SLC9A6: variants seen among roughly 807,000 people sequenced by gnomAD.
SLC9A6 encodes solute carrier family 9 member A6.
SLC9A6 carries 6 observed loss-of-function variants against 45.3 expected under a neutral mutation model. The observed-to-expected ratio is 0.13, with a 90% confidence interval of 0.07 to 0.26. The LOEUF is 0.26. SLC9A6 is among the 10% of genes least tolerant of loss of function. SLC9A6 has a pLI of 1.00. For synonymous variants in SLC9A6, 191 were observed against 187.7 expected, an observed-to-expected ratio of 1.02 and a Z score of -0.14; for missense variants, 278 against 503.7, an observed-to-expected ratio of 0.55 and a Z score of 4.29.
At chrX:136,019,059 G>C (rs2071075172) in intron 11 of SLC9A6, among the ~76,000 whole-genome samples, 1 of 111,499 alleles carries the variant, frequency 9.0e-6, no homozygotes, top group South Asian at 3.8e-4. Context: ...AGGTTTCTGA[G>C]TCTGTTAGGA....
chrX:136,016,730 T>C lies in SLC9A6; in HGVS notation c.1166T>C (p.Phe389Ser). 1 of 1,161,393 alleles carries C rather than the reference T, an allele frequency of 8.6e-7. No individual in the cohort carries two copies. Among genetic ancestry groups the C allele is most frequent in the Non-Finnish European group, 1.2e-6 (1 of 850,902 alleles). The change falls in exon 11 of 18, where the codon TTT becomes TCT. Residue 389 changes from phenylalanine (F) to serine (S), a missense_variant. Around this residue, in one of 5 missense-constraint regions of SLC9A6, gnomAD observed 41 missense variants for 51.8 expected, o/e 0.79. Transcript: ENST00000630721. ...CTGTTCACCTTCCAGAACCATGTCT[T>C]TAACCCAACATTTGTAGTAGGAGCA... ...LTLFTFQNHV[F>S]NPTFVVGAFV...
chrX:135,982,620 C>T (rs910397614), upstream of SLC9A6, among the ~76,000 whole-genome samples: 1 of 110,723 alleles, frequency 9.0e-6, no homozygotes, highest in Admixed American at 9.6e-5. Flanking sequence ...GCTACAGGCA[C>T]GCGCCACCAT....
rs1233852882 is a variant in SLC9A6, at chrX:136,023,192, T to C, written c.1306+495T>C. Among the ~76,000 whole-genome samples, 10 of 42,860 alleles carry C rather than the reference T, an allele frequency of 2.3e-4. No homozygotes were observed. In the East Asian group the frequency reaches 6.6e-3, roughly 28 times the overall value. The allele number at this position is 42,860 out of a possible 115,157, so 37.2% of individuals were successfully genotyped here. ...ATATATATATATATATATATATATA[T>C]ATATATATATATATATATATATATA... is the stretch of plus-strand genomic sequence containing the variant. On this transcript the variant is annotated intron_variant, in intron 12 of 17. Transcript: ENST00000630721.
intron 3 of SLC9A6, among the ~76,000 whole-genome samples, chrX:135,997,228 G>C (rs1386553998): frequency 9.2e-6 from 1 of 108,383 alleles, no homozygotes. Flanking sequence ...GGCTAATTTT[G>C]TATTTTTAAA....
At chrX:136,037,556 ATATT>A (rs781891851) in intron 16 of SLC9A6, among the ~76,000 whole-genome samples, 2,918 of 110,278 alleles carry the variant, frequency 0.026, 105 homozygotes, top group African/African-American at 0.091. Context: ...AGAAAATTGG[ATATT>A]TATTTATTTA....
At position 135,985,455 on chromosome X, in the gene SLC9A6, G is replaced by T. The variant is rs1468425766; in HGVS notation, c.-79G>T. ...CCCGTGAGCCCTCGGGGAGTGGTCC[G>T]ACCGCGGGCGGCCGCCGGTGAGGTA... On this transcript the variant is annotated 5_prime_UTR_variant, in exon 1 of 18. Transcript: ENST00000630721. 10 of 977,064 alleles carry T rather than the reference G, an allele frequency of 1.0e-5. No homozygotes were observed. Among genetic ancestry groups the T allele is most frequent in the South Asian group, 2.7e-5 (1 of 36,427 alleles). 80.5% of individuals were successfully genotyped at this position (977,064 alleles called of 1,213,427 possible).
rs2071584669 is a variant in SLC9A6 at position 136,045,534 on chromosome X, G to A, written c.*810G>A. On this transcript the variant is annotated 3_prime_UTR_variant, in exon 18 of 18. Coordinates refer to ENST00000630721, the MANE Select transcript of SLC9A6 (RefSeq NM_001379110.1). ...GAGCAAGAGGCGAGTAAAGAGAATG[G>A]TGGTTTCAGAGATCTCTCTTCCCAA... 8.9e-6 allele frequency: 1 copy of A among 111,938 alleles called. No homozygotes were observed. The highest frequency in any genetic ancestry group is 9.6e-5 in the Admixed American group (1 of 10,462). The allele number at this position is 111,938 out of a possible 1,213,427, so 9.2% of individuals were successfully genotyped here.
At position 135,985,634 on chromosome X, in the gene SLC9A6, C is replaced by A. The variant is rs1343262050; in HGVS notation, c.-25C>A. On this transcript the variant is annotated 5_prime_UTR_variant, in exon 2 of 18. Transcript: ENST00000630721. ...TCTTTGACTGGGCAGGGGCTTCGGACGGCGGCGGCGGAGAGGCTAGAGCCA... is the reference window on the plus strand; with the variant it reads ...TCTTTGACTGGGCAGGGGCTTCGGAAGGCGGCGGCGGAGAGGCTAGAGCCA... 5.8e-6 allele frequency: 7 copies of A among 1,210,530 alleles called. No homozygotes were observed. Among genetic ancestry groups the A allele is most frequent in the Non-Finnish European group, 7.8e-6 (7 of 894,975 alleles).
intron 12 of SLC9A6, 78 bp from the exon 13 acceptor site, chrX:136,024,252 G>A (rs782816983): frequency 7.7e-6 from 8 of 1,044,437 alleles, no homozygotes; most frequent in Admixed American, 2.2e-5. Flanking sequence ...TTTTTAGAAC[G>A]TGCTTTCTTG....
intron 6 of SLC9A6, among the ~76,000 whole-genome samples, chrX:135,999,431 G>T (rs1384593046): frequency 8.9e-6 from 1 of 111,913 alleles, no homozygotes; most frequent in African/African-American, 3.2e-5. Context: ...ACAAATGATT[G>T]TTAGAAGGCA....
chrX:135,997,001 T>C (rs782208829), intron 3 of SLC9A6, among the ~76,000 whole-genome samples: 283 of 111,104 alleles, frequency 2.5e-3, no homozygotes, highest in South Asian at 0.018. Context: ...CTCCTGACTT[T>C]GTGATCCGCC....
At position 136,044,615 on chromosome X, in the gene SLC9A6, C is replaced by T. The variant is rs782150288; in HGVS notation, c.1931C>T (p.Ala644Val). ...GAAGATGCCTTGGATCGGGAGCTTG[C>T]ATTTGGGGACCATGAACTGGTCATT... is the stretch of plus-strand genomic sequence containing the variant. ...SSEDALDREL[A>V]FGDHELVIRG... is the part of the protein sequence containing the mutation. Residue 644 changes from alanine (A) to valine (V), a missense_variant, in exon 18 of 18, where the codon GCA (alanine) becomes GTA (valine). Physicochemically the swap from Ala to Val is moderately conservative, Grantham distance 64 (BLOSUM62 0). Around this residue, in one of 5 missense-constraint regions of SLC9A6, gnomAD observed 91 missense variants for 125.1 expected, o/e 0.73. Coordinates refer to ENST00000630721, the MANE Select transcript of SLC9A6 (RefSeq NM_001379110.1). The T allele has an allele frequency of 8.3e-7, 1 of 1,210,687 alleles. No homozygotes were observed. Among genetic ancestry groups the T allele is most frequent in the South Asian group, 1.8e-5 (1 of 56,936 alleles).
At chrX:136,036,269 A>G (rs1462457759) in intron 16 of SLC9A6, among the ~76,000 whole-genome samples, 1 of 111,689 alleles carries the variant, frequency 9.0e-6, no homozygotes, top group Non-Finnish European at 1.9e-5. Context: ...TCTGATGACC[A>G]GAGAGGCTGA....
chrX:135,996,089 T>C (rs1352504516), intron 3 of SLC9A6, among the ~76,000 whole-genome samples: 1 of 98,090 alleles, frequency 1.0e-5, no homozygotes, highest in Non-Finnish European at 2.0e-5. Context: ...TGGAGTGTAG[T>C]GGCACGATCT....
In SLC9A6 at chrX:136,030,113, C is replaced by T; in HGVS notation, c.1551-19C>T. On this transcript the variant is annotated intron_variant, in intron 14 of 17. Transcript: ENST00000630721. ...TTTTGGCTTCAAAATCTCATTTGCT[C>T]TTTGTCTTTCTCCTTTAGGGTTGGT... 1 of 1,209,545 alleles carries T rather than the reference C, an allele frequency of 8.3e-7. No homozygotes were observed. The highest frequency in any genetic ancestry group is 1.1e-6 in the Non-Finnish European group (1 of 893,344).
chrX:136,014,926 G>A (rs890287692), intron 10 of SLC9A6, among the ~76,000 whole-genome samples: 4 of 112,823 alleles, frequency 3.5e-5, no homozygotes, highest in Middle Eastern at 4.2e-3. Flanking sequence ...AGAGAAGTAG[G>A]GGAAATGGTT....
Position 136,044,506 on chromosome X carries a change from A to G in SLC9A6, c.1822A>G (p.Ile608Val). ...DSDLILNDGDISLTYGDSTVN... is the reference protein window; with the variant it reads ...DSDLILNDGDVSLTYGDSTVN... ...TGATCTTATTCTCAATGATGGTGAC[A>G]TCAGTTTGACATATGGAGATTCTAC... The change falls in exon 18 of 18, where the codon ATC becomes GTC. Residue 608 changes from isoleucine to valine, a missense_variant. Ile to Val is a conservative substitution (Grantham distance 29). This residue lies in a region of SLC9A6 where 91 missense variants were observed against 125.1 expected (regional missense o/e 0.73). Coordinates refer to ENST00000630721, the MANE Select transcript of SLC9A6 (RefSeq NM_001379110.1). 1.7e-6 allele frequency: 2 copies of G among 1,205,332 alleles called. No homozygotes were observed. The highest frequency in any genetic ancestry group is 2.2e-6 in the Non-Finnish European group (2 of 889,523).
chrX:136,004,226 C>T (rs782445664), intron 7 of SLC9A6, among the ~76,000 whole-genome samples: 1 of 107,874 alleles, frequency 9.3e-6, no homozygotes, highest in East Asian at 2.9e-4. Context: ...GTAGCTGGGA[C>T]TACGGGCATG....
At chrX:136,007,879 A>C (rs1261035310) in intron 7 of SLC9A6, among the ~76,000 whole-genome samples, 3 of 110,995 alleles carry the variant, frequency 2.7e-5, no homozygotes, top group Non-Finnish European at 5.7e-5. Flanking sequence ...ATCCTTGTAA[A>C]TATTTCTGTA....
Sources: gnomAD v4.1 joint callset for allele counts (sites outside exome capture counted in the v4.1 genomes callset) on GRCh38, gnomAD v4.1.1 for gene constraint, gnomAD v4.1.1 regional missense constraint, MANE v1.5 for transcripts, NCBI Gene and HGNC (gene_info 2026-07-23, HGNC 2026-07-21) for gene names.